The following HDAC10 variants were observed in gnomAD, a reference collection of about 807,000 sequenced individuals.
The protein encoded by HDAC10 is polyamine deacetylase HDAC10.
A neutral mutation model predicts 82.3 loss-of-function variants in HDAC10; 90 were observed. The observed-to-expected ratio is 1.09, with a 90% CI of 0.92 to 1.30. The LOEUF (loss-of-function observed/expected upper bound fraction) is 1.30, where lower values mean the gene tolerates loss of function less well. Ranked by LOEUF, HDAC10 falls within the 50% of genes most tolerant of loss-of-function variation. The pLI, the probability that HDAC10 is intolerant of heterozygous loss-of-function variation, is 0.00. For synonymous variants in HDAC10, 456 were observed against 391.7 expected, an observed-to-expected ratio of 1.16 and a Z score of -1.94; for missense variants, 934 against 876.3, an observed-to-expected ratio of 1.07 and a Z score of -0.83.
chr22:50,247,887 C>T lies in HDAC10; in HGVS notation c.1337+3G>A. 6.2e-7 allele frequency: 1 copy of T among 1,612,710 alleles called. No individual in the cohort carries two copies. Among genetic ancestry groups the T allele is most frequent in the Non-Finnish European group, 8.5e-7 (1 of 1,179,956 alleles). ...TCCTTCTCCCCAGGCCAGCCCTGCCCACCTGGCCCAGGCTTCTGTCTCCTC... is the reference window on the plus strand; with the variant it reads ...TCCTTCTCCCCAGGCCAGCCCTGCCTACCTGGCCCAGGCTTCTGTCTCCTC... On this transcript the variant is annotated splice_donor_region_variant and intron_variant, in intron 13 of 19. Coordinates refer to ENST00000216271, the MANE Select transcript of HDAC10 (RefSeq NM_032019.6).
rs761118543 is a variant in HDAC10 at position 50,250,177 on chromosome 22, G to A, written c.292-17C>T. 4.9e-5 allele frequency: 79 copies of A among 1,601,290 alleles called. No homozygotes were observed. The highest frequency in any genetic ancestry group is 1.1e-4 in the East Asian group (5 of 44,616). ...AAAGGTACTCTGTGGGCGCAGGGGCGCAGATGAGCCCCCTGCCTTCCCTGC... is the reference window on the plus strand; with the variant it reads ...AAAGGTACTCTGTGGGCGCAGGGGCACAGATGAGCCCCCTGCCTTCCCTGC... On this transcript the variant is annotated splice_polypyrimidine_tract_variant and intron_variant, in intron 3 of 19. Coordinates refer to ENST00000216271, the MANE Select transcript of HDAC10 (RefSeq NM_032019.6).
At position 50,250,971 on chromosome 22, in the gene HDAC10, T is replaced by TA. The variant is rs969145298; in HGVS notation, c.59+2dup. The TA allele has an allele frequency of 1.9e-6, 3 of 1,612,324 alleles. No individual in the cohort carries two copies. The highest frequency in any genetic ancestry group is 1.7e-6 in the Non-Finnish European group (2 of 1,179,640). On this transcript the variant is annotated splice_region_variant and intron_variant, in intron 1 of 19. Coordinates refer to ENST00000216271, the MANE Select transcript of HDAC10 (RefSeq NM_032019.6). ...CACCCCACCTCGGCCAGGTCCCACT[T>TA]ACTCGTCCCAGAGCAGCCGGGTGGC...
At chr22:50,250,227 C>T (rs368382131) in intron 3 of HDAC10, 67 bp from the exon 4 acceptor site, 8 of 1,457,846 alleles carry the variant, frequency 5.5e-6, no homozygotes, top group Admixed American at 5.4e-5. Flanking sequence ...CATACCCACA[C>T]TTGTGCCAGG....
At position 50,249,885 on chromosome 22, in the gene HDAC10, C is replaced by T. The variant is rs1345036682; in HGVS notation, c.469G>A (p.Ala157Thr). The T allele has an allele frequency of 1.2e-6, 2 of 1,612,688 alleles. No individual in the cohort carries two copies. Among genetic ancestry groups the T allele is most frequent in the Non-Finnish European group, 1.7e-6 (2 of 1,179,800 alleles). ...FNNVAIAAAHAKQKHGLHRIL... is the reference protein window; with the variant it reads ...FNNVAIAAAHTKQKHGLHRIL... ...CTGTGTAGCCCGTGTTTCTGCTTGGCATGTGCAGCTGCTATGGCCACGTTG... is the reference window on the plus strand; with the variant it reads ...CTGTGTAGCCCGTGTTTCTGCTTGGTATGTGCAGCTGCTATGGCCACGTTG... Residue 157 changes from alanine to threonine, a missense_variant, in exon 5 of 20, where the codon GCC becomes ACC. Physicochemically the swap from Ala to Thr is moderately conservative, Grantham distance 58. Transcript: ENST00000216271. This position sits in a 1 kb window ranked among gnomAD's most constrained non-coding sequence, Gnocchi z 4.4.
intron 14 of HDAC10, 52 bp downstream of exon 14, chr22:50,247,640 G>C: frequency 7.4e-7 from 1 of 1,349,066 alleles, no homozygotes; most frequent in East Asian, 2.3e-5. Context: ...GGCAGGTCCT[G>C]GTCCCTGCCC....
intron 18 of HDAC10, 38 bp from the exon 19 acceptor site, chr22:50,245,865 T>C (rs760720725): frequency 1.9e-6 from 3 of 1,554,236 alleles, no homozygotes; most frequent in Admixed American, 3.9e-5. Flanking sequence ...TCACTGGTCC[T>C]TTCCCTCGTC....
chr22:50,247,851 A>C, intron 13 of HDAC10, 39 bp downstream of exon 13: 2 of 1,612,668 alleles, frequency 1.2e-6, no homozygotes, highest in Non-Finnish European at 1.7e-6. Flanking sequence ...ACAGGTGTAG[A>C]TGCGGCCCCA....
chr22:50,246,576 C>A, intron 16 of HDAC10, 103 bp downstream of exon 16: 1 of 1,251,738 alleles, frequency 8.0e-7, no homozygotes, highest in South Asian at 1.3e-5. Context: ...CATTCAGTAC[C>A]ACACAGTGCC....
At chr22:50,250,635 C>G (rs1044980367) in intron 2 of HDAC10, 112 bp from the exon 3 acceptor site, 4 of 1,319,330 alleles carry the variant, frequency 3.0e-6, no homozygotes, top group Non-Finnish European at 4.2e-6. Context: ...CTTCCTCAAG[C>G]CTGTGAGCCC....
chr22:50,249,495 C>T lies in HDAC10; in HGVS notation c.564-41G>A, dbSNP rs931452779. On this transcript the variant is annotated intron_variant, in intron 6 of 19. Transcript: ENST00000216271. The surrounding 1 kb of genome is among the most constrained non-coding windows in gnomAD (Gnocchi z 4.4). ...CAGGGCCAGAGGTCAAAGGTCAGGACCCTCAACAGCTCTACAGCTCCCTGT... is the reference window on the plus strand; with the variant it reads ...CAGGGCCAGAGGTCAAAGGTCAGGATCCTCAACAGCTCTACAGCTCCCTGT... The T allele has an allele frequency of 3.7e-6, 6 of 1,610,994 alleles. No homozygotes were observed. Among genetic ancestry groups the T allele is most frequent in the East Asian group, 2.2e-5 (1 of 44,858 alleles).
rs111345994 is a variant in HDAC10 at position 50,248,782 on chromosome 22, C to G, written c.817-31G>C. The stretch of plus-strand genomic sequence containing the variant: ...ACCAGAGCCATGTGTGATGGGGGAC[C>G]TGGGCCCCAGGACCCCAGAAGCCCT... On this transcript the variant is annotated intron_variant, in intron 9 of 19. Coordinates refer to ENST00000216271, the MANE Select transcript of HDAC10 (RefSeq NM_032019.6). The surrounding 1 kb of genome is among the most constrained non-coding windows in gnomAD (Gnocchi z 5.4). The G allele has an allele frequency of 6.3e-7, 1 of 1,597,448 alleles. No homozygotes were observed. The highest frequency in any genetic ancestry group is 2.3e-5 in the East Asian group (1 of 44,320).
chr22:50,247,132 C>A, intron 14 of HDAC10, 166 bp from the exon 15 acceptor site: 32 of 463,804 alleles, frequency 6.9e-5, no homozygotes, highest in East Asian at 1.0e-4. Context: ...ATGCTTACGT[C>A]TATAATTTTT....
At position 50,249,003 on chromosome 22, in the gene HDAC10, T is replaced by G. The variant is rs935913971; in HGVS notation, c.756+100A>C. The G allele has an allele frequency of 2.8e-6, 4 of 1,437,784 alleles. No individual in the cohort carries two copies. In the African/African-American group the frequency reaches 5.6e-5, roughly 20 times the overall value. The allele number at this position is 1,437,784 out of a possible 1,614,324, so 89.1% of individuals were successfully genotyped here. On this transcript the variant is annotated intron_variant, in intron 8 of 19. Transcript: ENST00000216271. The surrounding 1 kb of genome is among the most constrained non-coding windows in gnomAD (Gnocchi z 4.4). ...AGCACCTTCCCCAGCCACACAGGAGTGGGACAGCTCATAACCCTCCTCCTG... is the reference window on the plus strand; with the variant it reads ...AGCACCTTCCCCAGCCACACAGGAGGGGGACAGCTCATAACCCTCCTCCTG...
chr22:50,249,779 C>G lies in HDAC10; in HGVS notation c.495-76G>C. ...GAGCCCGGCCAGGGATGGGAAGGTGCTGGCTGGGTTCTCTCGCCTCCTGCG... is the reference window on the plus strand; with the variant it reads ...GAGCCCGGCCAGGGATGGGAAGGTGGTGGCTGGGTTCTCTCGCCTCCTGCG... On this transcript the variant is annotated intron_variant, in intron 5 of 19. Coordinates refer to ENST00000216271, the MANE Select transcript of HDAC10 (RefSeq NM_032019.6). This position sits in a 1 kb window ranked among gnomAD's most constrained non-coding sequence, Gnocchi z 4.4. The G allele has an allele frequency of 6.2e-7, 1 of 1,605,154 alleles. No individual in the cohort carries two copies. The highest frequency in any genetic ancestry group is 8.5e-7 in the Non-Finnish European group (1 of 1,174,610).
rs978639507 is a variant in HDAC10, at chr22:50,247,289, C to T, written c.1423-323G>A. On this transcript the variant is annotated intron_variant, in intron 14 of 19. Transcript: ENST00000216271. ...AAGTAACTACAGGCACACACCACCA[C>T]GCTTGGCTGACTTTTTTATTTTTTG... The T allele has an allele frequency of 4.7e-5, 15 of 320,912 alleles. No homozygotes were observed. In the East Asian group the frequency reaches 4.9e-4, roughly 11 times the overall value. The allele number at this position is 320,912 out of a possible 1,614,324, so 19.9% of individuals were successfully genotyped here.
rs921720190 is a variant in HDAC10 at position 50,245,446 on chromosome 22, C to T, written c.*61G>A. On this transcript the variant is annotated 3_prime_UTR_variant, in exon 20 of 20. Transcript: ENST00000216271. Reference sequence around the variant, plus strand: ...CGTGGGCTTGGGGTCCGGATCGCGGCCGCGGGGCGCTGGCGTGCGGTGTCA... The same window carrying T: ...CGTGGGCTTGGGGTCCGGATCGCGGTCGCGGGGCGCTGGCGTGCGGTGTCA... 9.5e-6 allele frequency: 7 copies of T among 740,208 alleles called. No individual in the cohort carries two copies. In the East Asian group the frequency reaches 1.5e-4, roughly 16 times the overall value. 45.9% of individuals were successfully genotyped at this position (740,208 alleles called of 1,614,324 possible).
In HDAC10 at chr22:50,245,725, C is replaced by T. The variant is rs753565928; in HGVS notation, c.1936G>A (p.Ala646Thr). The T allele has an allele frequency of 1.5e-5, 25 of 1,613,150 alleles. No individual in the cohort carries two copies. Among genetic ancestry groups the T allele is most frequent in the Non-Finnish European group, 2.1e-5 (25 of 1,179,882 alleles). The change falls in exon 19 of 20, where the codon GCC becomes ACC. Residue 646 changes from alanine to threonine, a missense_variant. By Grantham distance (58) the Ala-to-Thr change is moderately conservative. Transcript: ENST00000216271. ...AGCTGCCCTCTCAGGTACATCAGGG[C>T]CTGGACGTCCTCTGGGGAGGCCACA... ...SSVASPEDVQ[A>T]LMYLRGQLEP...
At chr22:50,250,320 T>A in intron 3 of HDAC10, 107 bp downstream of exon 3, 1 of 1,249,792 alleles carries the variant, frequency 8.0e-7, no homozygotes, top group Non-Finnish European at 1.2e-6. Flanking sequence ...GGCAATGTCA[T>A]GTGTATGGAC....
Position 50,251,236 on chromosome 22 carries a change from T to C in HDAC10, c.-204A>G, listed in dbSNP as rs1221257111. The C allele has an allele frequency of 3.7e-6, 2 of 538,578 alleles. No homozygotes were observed. The highest frequency in any genetic ancestry group is 3.2e-6 in the Non-Finnish European group (1 of 307,732). 33.4% of individuals were successfully genotyped at this position (538,578 alleles called of 1,614,324 possible). On this transcript the variant is annotated 5_prime_UTR_variant, in exon 1 of 20. Transcript: ENST00000216271. ...GCGCGCAGAAGGCACGGAGCGAGGC[T>C]GCAGTCGAAGGGGGAGGCTCCCCGC...
Sources: allele counts gnomAD v4.1 joint callset, GRCh38; gene constraint gnomAD v4.1.1; non-coding constraint Gnocchi (gnomAD v3.1); transcripts MANE v1.5; gene names NCBI Gene and HGNC (gene_info 2026-07-23, HGNC 2026-07-21).